Variants in SGSH observed in about 807,000 individuals in gnomAD.
SGSH encodes the protein heparan sulfate sulfatase.
Under a neutral mutation model 51.0 loss-of-function variants are expected in SGSH, and 48 were observed. The observed-to-expected ratio is 0.94, with a 90% CI of 0.75 to 1.20. The LOEUF (loss-of-function observed/expected upper bound fraction) is 1.20, where lower values mean the gene tolerates loss of function less well. Ranked by LOEUF, SGSH falls within the 50% of genes most tolerant of loss-of-function variation. The pLI is 0.00. For missense variants in SGSH, 662 were observed against 717.8 expected (o/e 0.92, Z 0.89); for synonymous variants, 321 against 313.4 (o/e 1.02, Z -0.26).
At position 80,211,343 on chromosome 17, in the gene SGSH, GAGAGAGATGTGGGCCCCA is replaced by G. The variant is rs1488661163; in HGVS notation, c.950-350_950-333del. On this transcript the variant is annotated intron_variant, in intron 7 of 7. Coordinates refer to ENST00000326317, the MANE Select transcript of SGSH (RefSeq NM_000199.5). ...GCTCCTGGCTCATCATTTGGGGCCA[GAGAGAGATGTGGGCCCCA>G]AGAGAGATGTGGGCCGCGAGCTCGG... 131 of 439,370 alleles carry G rather than the reference GAGAGAGATGTGGGCCCCA, an allele frequency of 3.0e-4. 2 individuals carry two copies. The highest frequency in any genetic ancestry group is 2.4e-3 in the African/African-American group (115 of 47,832). The allele number at this position is 439,370 out of a possible 1,614,324, so 27.2% of individuals were successfully genotyped here.
At chr17:80,205,991 G>A (rs2041280135), downstream of SGSH, 1 of 191,928 alleles carries the variant, frequency 5.2e-6, no homozygotes, top group Non-Finnish European at 1.1e-5. Flanking sequence ...GTGAACCACA[G>A]CTTTGTGTCT....
downstream of SGSH, among the ~76,000 whole-genome samples, chr17:80,207,916 T>C (rs184311022): frequency 1.1e-3 from 163 of 151,876 alleles, no homozygotes; most frequent in Middle Eastern, 0.01. Flanking sequence ...CAGACCAAGA[T>C]GTCCTGCTAC....
chr17:80,209,792 C>T lies in SGSH; in HGVS notation c.*660G>A. ...GATAAGCTTCTGCCCAGAAACACCA[C>T]AGGTTCAAGCTCATCACTCAGGGAG... On this transcript the variant is annotated 3_prime_UTR_variant, in exon 8 of 8. Transcript: ENST00000326317. 1 of 986,142 alleles carries T rather than the reference C, an allele frequency of 1.0e-6. No individual in the cohort carries two copies. Among genetic ancestry groups the T allele is most frequent in the Non-Finnish European group, 1.2e-6 (1 of 830,498 alleles). 61.1% of individuals were successfully genotyped at this position (986,142 alleles called of 1,614,324 possible). A position where few individuals can be genotyped will look rare whatever the true frequency, so the allele number is the denominator to read the frequency against.
Position 80,214,595 on chromosome 17 carries a change from G to T in SGSH, c.506+20C>A. Reference sequence around the variant, plus strand: ...TGGTACCGGCCGCCAGGGGGAAGGGGCAGGGGCCCCGACTCATACCGGTCA... The same window carrying T: ...TGGTACCGGCCGCCAGGGGGAAGGGTCAGGGGCCCCGACTCATACCGGTCA... On this transcript the variant is annotated intron_variant, in intron 4 of 7. Coordinates refer to ENST00000326317, the MANE Select transcript of SGSH (RefSeq NM_000199.5). The T allele has an allele frequency of 6.2e-7, 1 of 1,609,140 alleles. No homozygotes were observed. Among genetic ancestry groups the T allele is most frequent in the Non-Finnish European group, 8.5e-7 (1 of 1,177,928 alleles).
the SGSH span, chr17:80,201,407 T>A: frequency 1.4e-5 from 4 of 293,604 alleles, no homozygotes; most frequent in East Asian, 4.5e-4. This position sits in a 1 kb window ranked among gnomAD's most constrained non-coding sequence, Gnocchi z 5.0. Flanking sequence ...AACCTCTATC[T>A]AGAATGCTCT....
At chr17:80,214,553 G>C (rs1316652462) in intron 4 of SGSH, 62 bp downstream of exon 4, 1 of 1,549,600 alleles carries the variant, frequency 6.5e-7, no homozygotes, top group Admixed American at 1.8e-5. Flanking sequence ...CCCGCCGGAA[G>C]ACTCCGGGCT....
chr17:80,203,873 C>G, downstream of SGSH: 1 of 1,596,388 alleles, frequency 6.3e-7, no homozygotes, highest in East Asian at 2.3e-5. This position sits in a 1 kb window ranked among gnomAD's most constrained non-coding sequence, Gnocchi z 4.6. Context: ...AGCAGTGCAC[C>G]GTGACCCGCA....
intron 5 of SGSH, 30 bp downstream of exon 5, chr17:80,214,142 C>T (rs372194251): frequency 2.4e-5 from 38 of 1,591,868 alleles, no homozygotes; most frequent in Admixed American, 1.6e-4. Flanking sequence ...GGCTGACGGG[C>T]GTCCTGAAAC....
rs1460962656 is a variant in SGSH, at chr17:80,211,005, G to A, written c.956C>T (p.Thr319Met). ...CGAGAACCAATCCAAGATGGTGGGC[G>A]TGAGGTCTGGAAGGGACGCGGCATC... ...SEAYVSLLDL[T>M]PTILDWFSIP... The change falls in exon 8 of 8, where the codon ACG (threonine) becomes ATG (methionine). Residue 319 changes from threonine to methionine, a missense_variant. By Grantham distance (81) the Thr-to-Met change is moderately conservative. Coordinates refer to ENST00000326317, the MANE Select transcript of SGSH (RefSeq NM_000199.5). The A allele has an allele frequency of 3.1e-6, 5 of 1,598,406 alleles. No homozygotes were observed. Among genetic ancestry groups the A allele is most frequent in the South Asian group, 1.1e-5 (1 of 91,090 alleles).
chr17:80,217,771 G>A (rs2041947804), intron 1 of SGSH, among the ~76,000 whole-genome samples: 1 of 150,598 alleles, frequency 6.6e-6, no homozygotes, highest in African/African-American at 2.4e-5. Context: ...ATCCAGCAGG[G>A]ATGATGCGTG....
At chr17:80,202,413 T>C (rs368706586), downstream of SGSH, 4 of 1,610,792 alleles carry the variant, frequency 2.5e-6, no homozygotes, top group Non-Finnish European at 2.5e-6. Context: ...CATCCCCAAC[T>C]ACTCCAGGTG....
downstream of SGSH, chr17:80,204,258 G>A (rs746635931): frequency 6.8e-5 from 109 of 1,597,086 alleles, no homozygotes; most frequent in Non-Finnish European, 8.6e-5. Context: ...AAGCTGGTCC[G>A]CATCGTCAGT....
At chr17:80,207,800 A>G (rs1287808060), downstream of SGSH, 4 of 277,326 alleles carry the variant, frequency 1.4e-5, no homozygotes, top group Non-Finnish European at 2.7e-5. Flanking sequence ...ACCCGGCCTC[A>G]GCTCCACTGA....
downstream of SGSH, among the ~76,000 whole-genome samples, chr17:80,206,483 G>A (rs1243480188): frequency 6.6e-6 from 1 of 151,780 alleles, no homozygotes; most frequent in African/African-American, 2.4e-5. Context: ...AATTAAAAGT[G>A]GGCCGGGTGC....
chr17:80,206,069 A>C (rs1416803546), downstream of SGSH: 2 of 165,688 alleles, frequency 1.2e-5, no homozygotes, highest in African/African-American at 4.8e-5. Context: ...GCTCCATGCC[A>C]AGTTCACCTC....
chr17:80,217,071 G>T lies in SGSH; in HGVS notation c.210C>A (p.Cys70Ter). 2 of 1,595,618 alleles carry T rather than the reference G, an allele frequency of 1.3e-6. No homozygotes were observed. Reference sequence around the variant, plus strand: ...TGAGGAGGCTGGCGCGGCTGGGAGAGCAGCTGCTGACCGAGGTGAAGGCAT... The same window carrying T: ...TGAGGAGGCTGGCGCGGCTGGGAGATCAGCTGCTGACCGAGGTGAAGGCAT... Reference protein sequence around the residue: ...FRNAFTSVSSCSPSRASLLTG... With the variant: ...FRNAFTSVSS Residue 70 changes from cysteine (C) to a stop codon, truncating the protein, a stop_gained, in exon 2 of 8, where the codon TGC (cysteine) becomes TGA (stop). Coordinates refer to ENST00000326317, the MANE Select transcript of SGSH (RefSeq NM_000199.5). LOFTEE classifies it high-confidence loss of function.
downstream of SGSH, chr17:80,202,027 C>A (rs2041004834): frequency 8.1e-7 from 1 of 1,236,138 alleles, no homozygotes; most frequent in Non-Finnish European, 1.1e-6. Context: ...GGCCCCCAAG[C>A]CAGCTGGAAA....
At chr17:80,201,638 G>A in the SGSH span, 62 of 1,208,182 alleles carry the variant, frequency 5.1e-5, no homozygotes, top group East Asian at 1.0e-3. This position sits in a 1 kb window ranked among gnomAD's most constrained non-coding sequence, Gnocchi z 5.0. Flanking sequence ...GTGGTCCTAC[G>A]GCAGGGCTGG....
downstream of SGSH, chr17:80,207,700 T>A (rs1567908356): frequency 5.9e-6 from 1 of 168,748 alleles, no homozygotes; most frequent in Non-Finnish European, 1.2e-5. Context: ...AAAATGACAT[T>A]TTATAATTGA....
Sources: gnomAD v4.1 joint callset for allele counts (sites outside exome capture counted in the v4.1 genomes callset) on GRCh38, gnomAD v4.1.1 for gene constraint, Gnocchi (gnomAD v3.1) non-coding constraint, MANE v1.5 for transcripts, NCBI Gene and HGNC (gene_info 2026-07-23, HGNC 2026-07-21) for gene names.